The following GOLGA8H variants were observed in gnomAD, a reference collection of about 807,000 sequenced individuals.
The protein encoded by GOLGA8H is golgin A8 family member H.
GOLGA8H carries 47 observed loss-of-function variants against 82.7 expected under a neutral mutation model. That is an observed-to-expected ratio of 0.57 (90% CI 0.45 to 0.73). The LOEUF (loss-of-function observed/expected upper bound fraction) is 0.73, where lower values mean the gene tolerates loss of function less well. GOLGA8H is among the 30% of genes least tolerant of loss of function. The pLI is 0.00. For synonymous variants in GOLGA8H, 108 were observed against 241.6 expected (o/e 0.45, Z 5.13); for missense variants, 372 against 661.0 (o/e 0.56, Z 4.79).
At chr15:30,609,720 T>C in intron 8 of GOLGA8H, 86 bp from the exon 9 acceptor site, 1 of 1,564,480 alleles carries the variant, frequency 6.4e-7, no homozygotes, top group Non-Finnish European at 8.7e-7. Flanking sequence ...AGTTGTATAT[T>C]GGGCCTAGCC....
At chr15:30,606,532 T>A (rs1223309622) in intron 2 of GOLGA8H, among the ~76,000 whole-genome samples, 1 of 151,688 alleles carries the variant, frequency 6.6e-6, no homozygotes, top group Non-Finnish European at 1.5e-5. Context: ...TATTGTTGTT[T>A]TTATGTTAAT....
Position 30,613,209 on chromosome 15 carries a change from C to CT in GOLGA8H, c.1368+14_1368+15insT. ...AGGGAGGCCATGGTGAGCCTGACTC[C>CT]CCCTGCACCCATTTTGCCACCTTTC... On this transcript the variant is annotated intron_variant, in intron 15 of 18. Transcript: ENST00000566740. 7.6e-6 allele frequency: 4 copies of CT among 523,450 alleles called. No homozygotes were observed. Among genetic ancestry groups the CT allele is most frequent in the Non-Finnish European group, 1.3e-5 (4 of 299,314 alleles). 32.4% of individuals were successfully genotyped at this position (523,450 alleles called of 1,614,324 possible). A position where few individuals can be genotyped will look rare whatever the true frequency, so the allele number is the denominator to read the frequency against.
intron 8 of GOLGA8H, 75 bp downstream of exon 8, chr15:30,608,831 T>C: frequency 1.5e-6 from 2 of 1,296,034 alleles, no homozygotes; most frequent in Non-Finnish European, 2.2e-6. Context: ...AGGTCCCTTC[T>C]GCAGGATGGC....
At chr15:30,606,153 G>A (rs2059921064) in intron 2 of GOLGA8H, among the ~76,000 whole-genome samples, 191 bp downstream of exon 2, 1 of 151,628 alleles carries the variant, frequency 6.6e-6, no homozygotes, top group Non-Finnish European at 1.5e-5. Context: ...AGGCGATCGA[G>A]ACCATCCTGG....
In GOLGA8H at chr15:30,608,661, C is replaced by G. The variant is rs779935543; in HGVS notation, c.496C>G (p.Leu166Val). The change falls in exon 8 of 19, where the codon CTG (leucine) becomes GTG (valine). Residue 166 changes from leucine to valine, a missense_variant. Physicochemically the swap from Leu to Val is conservative, Grantham distance 32. Coordinates refer to ENST00000566740, the MANE Select transcript of GOLGA8H (RefSeq NM_001282490.2). Reference sequence around the variant, plus strand: ...TCTCATTACAGAAAAGTCCAAGGATCTGGCTGTCTGCCTGCAACATTCATT... The same window carrying G: ...TCTCATTACAGAAAAGTCCAAGGATGTGGCTGTCTGCCTGCAACATTCATT... ...LRYFEEKSKD[L>V]AVCLQHSLQR... 9.7e-6 allele frequency: 15 copies of G among 1,541,896 alleles called. No individual in the cohort carries two copies. The highest frequency in any genetic ancestry group is 1.3e-5 in the Non-Finnish European group (15 of 1,128,272).
rs776757628 is a variant in GOLGA8H at position 30,604,095 on chromosome 15, A to G, written c.-31A>G. 94 of 1,540,092 alleles carry G rather than the reference A, an allele frequency of 6.1e-5. 1 individual carries two copies. Among genetic ancestry groups the G allele is most frequent in the East Asian group, 2.6e-4 (11 of 42,520 alleles). ...TTCTCATTGAGATTTTGCTGCTGTG[A>G]CCCCAACCCTGCCTCCCTCCCCACC... is the stretch of plus-strand genomic sequence containing the variant. On this transcript the variant is annotated 5_prime_UTR_variant, in exon 1 of 19. Transcript: ENST00000566740.
chr15:30,608,146 C>G, intron 5 of GOLGA8H, 78 bp downstream of exon 5: 9 of 1,282,878 alleles, frequency 7.0e-6, no homozygotes, highest in Non-Finnish European at 9.9e-6. Flanking sequence ...AGTCTCGTCT[C>G]ACCCACTCCC....
In GOLGA8H at chr15:30,616,454, ACT is replaced by A. The variant is rs889315628; in HGVS notation, c.*1896_*1897del. Among the ~76,000 whole-genome samples, 1 of 145,342 alleles carries A rather than the reference ACT, an allele frequency of 6.9e-6. No homozygotes were observed. The highest frequency in any genetic ancestry group is 2.6e-5 in the African/African-American group (1 of 39,074). On this transcript the variant is annotated 3_prime_UTR_variant, in exon 19 of 19. Coordinates refer to ENST00000566740, the MANE Select transcript of GOLGA8H (RefSeq NM_001282490.2). ...TATTCGGTCCTTGTGACTTCCACTGACTCTTCCAAATTTTATGAATGTATCAA... is the reference window on the plus strand; with the variant it reads ...TATTCGGTCCTTGTGACTTCCACTGACTTCCAAATTTTATGAATGTATCAA...
chr15:30,616,761 G>C lies in GOLGA8H; in HGVS notation c.*2200G>C, dbSNP rs928007126. 1.4e-5 allele frequency among the ~76,000 whole-genome samples: 2 copies of C among 146,028 alleles called. No individual in the cohort carries two copies. Among genetic ancestry groups the C allele is most frequent in the Non-Finnish European group, 3.0e-5 (2 of 66,380 alleles). On this transcript the variant is annotated 3_prime_UTR_variant, in exon 19 of 19. Transcript: ENST00000566740. ...TTTTTTCTTTTATCATTCTGAAACT[G>C]GGTTTATCTAATACATTGATAAATT...
At chr15:30,610,584 G>A (rs1396400482) in intron 11 of GOLGA8H, among the ~76,000 whole-genome samples, 182 bp from the exon 12 acceptor site, 3 of 150,386 alleles carry the variant, frequency 2.0e-5, no homozygotes, top group South Asian at 2.1e-4. Flanking sequence ...AAGAGGGCCC[G>A]TTGCCAGCCA....
Position 30,610,016 on chromosome 15 carries a change from A to C in GOLGA8H, c.696A>C (p.Gln232His). 1 of 1,611,736 alleles carries C rather than the reference A, an allele frequency of 6.2e-7. No homozygotes were observed. ...TCTTGCAGTTGAAGGAGTCATTTCA[A>C]CAAGTCCAATTAGAAAGAGATGAGT... ...VQLTQLKESF[Q>H]QVQLERDECA... The change falls in exon 10 of 19, where the codon CAA becomes CAC. Residue 232 changes from glutamine (Q) to histidine (H), a missense_variant. Physicochemically the swap from Gln to His is conservative, Grantham distance 24 (BLOSUM62 0). Coordinates refer to ENST00000566740, the MANE Select transcript of GOLGA8H (RefSeq NM_001282490.2).
rs1208364893 is a variant in GOLGA8H at position 30,610,051 on chromosome 15, A to G, written c.731A>G (p.His244Arg). ...VQLERDECAE[H>R]LKGERARWQQ... ...TTAGAAAGAGATGAGTGTGCTGAAC[A>G]TCTAAAAGGAGAGAGGGCCCGGTGG... Residue 244 changes from histidine to arginine, a missense_variant, in exon 10 of 19, where the codon CAT becomes CGT. Physicochemically the swap from His to Arg is conservative, Grantham distance 29. Coordinates refer to ENST00000566740, the MANE Select transcript of GOLGA8H (RefSeq NM_001282490.2). The G allele has an allele frequency of 3.7e-6, 6 of 1,611,564 alleles. No individual in the cohort carries two copies. Among genetic ancestry groups the G allele is most frequent in the Non-Finnish European group, 5.1e-6 (6 of 1,179,746 alleles).
rs1479893374 is a variant in GOLGA8H at position 30,608,680 on chromosome 15, A to G, written c.515A>G (p.His172Arg). 2 of 1,519,954 alleles carry G rather than the reference A, an allele frequency of 1.3e-6. No homozygotes were observed. The highest frequency in any genetic ancestry group is 2.2e-5 in the East Asian group (1 of 44,682). 94.2% of individuals were successfully genotyped at this position (1,519,954 alleles called of 1,614,324 possible). A position where few individuals can be genotyped will look rare whatever the true frequency, so the allele number is the denominator to read the frequency against. The change falls in exon 8 of 19, where the codon CAT becomes CGT. Residue 172 changes from histidine (H) to arginine (R), a missense_variant. Transcript: ENST00000566740. ...AAGGATCTGGCTGTCTGCCTGCAAC[A>G]TTCATTGCAGCGTAAAGGAGAGTTA... Reference protein sequence around the residue: ...KSKDLAVCLQHSLQRKGELES... With the variant: ...KSKDLAVCLQRSLQRKGELES...
rs1182630003 is a variant in GOLGA8H at position 30,614,486 on chromosome 15, G to A, written c.1824G>A (p.Gln608=). The A allele has an allele frequency of 6.2e-7, 1 of 1,601,352 alleles. No individual in the cohort carries two copies. The highest frequency in any genetic ancestry group is 1.1e-5 in the South Asian group (1 of 90,908). ...CACAGCCGATCGTGCAGGACCACCA[G>A]GAGCACCCAGGCTTGGGCAGCAACT... ...PTAQPIVQDH[Q]EHPGLGSNCC... The change falls in exon 19 of 19, where the codon CAG becomes CAA. Residue 608 remains glutamine, a synonymous_variant. Transcript: ENST00000566740.
In GOLGA8H at chr15:30,610,004, G is replaced by A. The variant is rs2059991933; in HGVS notation, c.684G>A (p.Lys228=). The change falls in exon 10 of 19, where the codon AAG becomes AAA. Residue 228 remains lysine (K), a synonymous_variant. Coordinates refer to ENST00000566740, the MANE Select transcript of GOLGA8H (RefSeq NM_001282490.2). ...TTCTGTGCCCATTCTTGCAGTTGAA[G>A]GAGTCATTTCAACAAGTCCAATTAG... ...ALLKVQLTQL[K]ESFQQVQLER... 1.2e-6 allele frequency: 2 copies of A among 1,611,448 alleles called. No homozygotes were observed. The highest frequency in any genetic ancestry group is 2.7e-5 in the African/African-American group (2 of 74,628).
chr15:30,605,868 G>A lies in GOLGA8H; in HGVS notation c.74G>A (p.Ser25Asn), dbSNP rs767829269. 2.4e-5 allele frequency: 38 copies of A among 1,582,536 alleles called. 2 individuals carry two copies. In the South Asian group the frequency reaches 3.9e-4, roughly 16 times the overall value. Residue 25 changes from serine (S) to asparagine (N), a missense_variant, in exon 2 of 19, where the codon AGC becomes AAC. Ser to Asn is a conservative substitution (Grantham distance 46). Transcript: ENST00000566740. ...KKLKEYWQKN[S>N]PRVPAGANRN... ...TTAAAAGAATATTGGCAGAAAAACAGCCCTAGAGTTCCAGCAGGAGCGAAC... is the reference window on the plus strand; with the variant it reads ...TTAAAAGAATATTGGCAGAAAAACAACCCTAGAGTTCCAGCAGGAGCGAAC...
At chr15:30,607,616 G>A in intron 4 of GOLGA8H, 1 of 382,110 alleles carries the variant, frequency 2.6e-6, no homozygotes. Context: ...CCCTAGAACG[G>A]AAACCTCAGG....
chr15:30,611,462 C>G, intron 13 of GOLGA8H, 116 bp downstream of exon 13: 3 of 1,536,380 alleles, frequency 2.0e-6, no homozygotes, highest in Middle Eastern at 2.3e-4. Context: ...CTGGTGACCA[C>G]AGCACCCCGC....
Position 30,605,922 on chromosome 15 carries a change from C to T in GOLGA8H, c.128C>T (p.Pro43Leu). The T allele has an allele frequency of 6.3e-7, 1 of 1,595,816 alleles. No individual in the cohort carries two copies. The highest frequency in any genetic ancestry group is 8.5e-7 in the Non-Finnish European group (1 of 1,177,060). The change falls in exon 2 of 19, where the codon CCT becomes CTT. Residue 43 changes from proline to leucine, a missense_variant. By Grantham distance (98) the Pro-to-Leu change is moderately conservative. Transcript: ENST00000566740. The stretch of plus-strand genomic sequence containing the variant: ...AACAGGAAAACAAATGGCAGTGTCC[C>T]TGAGAAAGCCACTTCTGGTGGTTGC... ...NRNRKTNGSV[P>L]EKATSGGCQP... is the part of the protein sequence containing the mutation.
Sources: gnomAD v4.1 joint callset for allele counts (sites outside exome capture counted in the v4.1 genomes callset) on GRCh38, gnomAD v4.1.1 for gene constraint, MANE v1.5 for transcripts, NCBI Gene and HGNC (gene_info 2026-07-23, HGNC 2026-07-21) for gene names.